The following RAD51B variants were observed in gnomAD, a reference collection of about 807,000 sequenced individuals.
The protein encoded by RAD51B is DNA repair protein RAD51 homolog 2.
Under a neutral mutation model 42.2 loss-of-function variants are expected in RAD51B, and 38 were observed. That is an observed-to-expected ratio of 0.90 (90% confidence interval 0.70 to 1.18). The LOEUF is 1.18. RAD51B is among the 50% of genes most tolerant of loss of function. The pLI is 0.00. For missense variants in RAD51B, 373 were observed against 400.7 expected (o/e 0.93, Z 0.59); for synonymous variants, 154 against 145.2 (o/e 1.06, Z -0.43).
At chr14:67,949,105 A>G (rs2074393952) in intron 7 of RAD51B, among the ~76,000 whole-genome samples, 1 of 152,002 alleles carries the variant, frequency 6.6e-6, no homozygotes, top group African/African-American at 2.4e-5. Flanking sequence ...TGGTTGCTAA[A>G]AGTTGGGGTG....
chr14:67,950,744 A>G (rs934075772), intron 7 of RAD51B, among the ~76,000 whole-genome samples: 39 of 152,208 alleles, frequency 2.6e-4, no homozygotes, highest in African/African-American at 8.7e-4. Context: ...ATTTAAAGTG[A>G]GAGATGTGTG....
chr14:68,574,989 G>A (rs1034671542), intron 10 of RAD51B, among the ~76,000 whole-genome samples: 3 of 152,284 alleles, frequency 2.0e-5, no homozygotes, highest in East Asian at 1.9e-4. Flanking sequence ...AGGAAAGCAC[G>A]CCATTGACTG....
intron 7 of RAD51B, among the ~76,000 whole-genome samples, chr14:68,274,017 T>C (rs528726746): frequency 6.6e-6 from 1 of 152,276 alleles, no homozygotes; most frequent in Admixed American, 6.5e-5. Flanking sequence ...TTGCCCCAAT[T>C]TCCCCACTCT....
chr14:68,641,781 C>CAA (rs1475109039), intron 10 of RAD51B, among the ~76,000 whole-genome samples: 1 of 151,372 alleles, frequency 6.6e-6, no homozygotes, highest in Non-Finnish European at 1.5e-5. Flanking sequence ...AGCTTGTCTC[C>CAA]AACTCCTGGG....
chr14:67,820,054 G>A (rs936463466), intron 1 of RAD51B, among the ~76,000 whole-genome samples: 1 of 152,170 alleles, frequency 6.6e-6, no homozygotes, highest in African/African-American at 2.4e-5. Context: ...TTCTTTTGGT[G>A]GGGAATGCTT....
chr14:67,898,166 G>A (rs763504242), intron 7 of RAD51B, among the ~76,000 whole-genome samples: 3 of 152,114 alleles, frequency 2.0e-5, no homozygotes, highest in Non-Finnish European at 2.9e-5. Context: ...AGTCATGGAA[G>A]CAATCTAAAT....
At position 68,286,054 on chromosome 14, in the gene RAD51B, G is replaced by A. The variant is rs182590835; in HGVS notation, c.757-5830G>A. Among the ~76,000 whole-genome samples, 7 of 152,238 alleles carry A rather than the reference G, an allele frequency of 4.6e-5. No homozygotes were observed. The East Asian group carries it at 1.4e-3, about 29-fold the overall frequency. ...CTTGACCATCTTTCAGTGTATTTCT[G>A]GATATTAGATTTATTTGTTTATTAC... On this transcript the variant is annotated intron_variant, in intron 7 of 10. Transcript: ENST00000471583.
At chr14:67,911,780 A>C (rs1458296356) in intron 7 of RAD51B, among the ~76,000 whole-genome samples, 2 of 152,158 alleles carry the variant, frequency 1.3e-5, no homozygotes, top group African/African-American at 4.8e-5. Context: ...TGAGAGTTGC[A>C]TTTTACCTCC....
At chr14:68,334,644 T>TA (rs1490997533) in intron 8 of RAD51B, among the ~76,000 whole-genome samples, 2 of 152,114 alleles carry the variant, frequency 1.3e-5, no homozygotes, top group African/African-American at 4.8e-5. Context: ...ACATTTTTTT[T>TA]ATCCATTCAT....
chr14:68,448,893 G>GA (rs199509139), intron 9 of RAD51B, among the ~76,000 whole-genome samples: 24 of 150,430 alleles, frequency 1.6e-4, no homozygotes, highest in African/African-American at 4.9e-4. Flanking sequence ...TGCTAGTTGT[G>GA]AAAAAAAAAT....
At chr14:68,205,398 G>A (rs544260388) in intron 7 of RAD51B, among the ~76,000 whole-genome samples, 5 of 152,094 alleles carry the variant, frequency 3.3e-5, no homozygotes, top group Non-Finnish European at 7.4e-5. Context: ...CAAAGGAAGG[G>A]ATAGATATGA....
At chr14:68,675,727 A>G (rs1893288792) in intron 11 of RAD51B, among the ~76,000 whole-genome samples, 2 of 152,260 alleles carry the variant, frequency 1.3e-5, no homozygotes, top group Admixed American at 1.3e-4. Context: ...ACAATTCCAC[A>G]GACACTGTGC....
chr14:68,586,626 G>A (rs1278778838), intron 10 of RAD51B, among the ~76,000 whole-genome samples: 2 of 152,280 alleles, frequency 1.3e-5, no homozygotes, highest in East Asian at 3.9e-4. Context: ...TAGGGAATGT[G>A]CACAGAACAC....
chr14:68,630,783 C>G (rs924263597), intron 10 of RAD51B, among the ~76,000 whole-genome samples: 4 of 152,148 alleles, frequency 2.6e-5, no homozygotes, highest in African/African-American at 9.7e-5. Flanking sequence ...TTGAACCAAC[C>G]CCTGGTTTCA....
At chr14:67,861,237 C>A (rs2042152942) in intron 4 of RAD51B, among the ~76,000 whole-genome samples, 1 of 151,730 alleles carries the variant, frequency 6.6e-6, no homozygotes, top group South Asian at 2.1e-4. Flanking sequence ...TGTATAGAAT[C>A]CCTAGTGTAC....
intron 7 of RAD51B, among the ~76,000 whole-genome samples, chr14:68,065,618 G>T (rs542082893): frequency 7.9e-5 from 12 of 152,094 alleles, no homozygotes; most frequent in Non-Finnish European, 1.5e-4. Context: ...CTAGCTGGCT[G>T]GTGGTTCTGC....
At chr14:68,539,412 G>A (rs1056289961) in intron 10 of RAD51B, among the ~76,000 whole-genome samples, 5 of 151,910 alleles carry the variant, frequency 3.3e-5, no homozygotes, top group Admixed American at 6.6e-5. Flanking sequence ...CCAGCACTCC[G>A]CCCCCTCCTC....
chr14:67,906,998 A>G (rs887756866), intron 7 of RAD51B, among the ~76,000 whole-genome samples: 5 of 151,942 alleles, frequency 3.3e-5, no homozygotes, highest in African/African-American at 1.2e-4. Flanking sequence ...TAGTAAAGAC[A>G]GGGTTTCTCC....
chr14:68,588,461 G>A (rs1314816292), intron 10 of RAD51B, among the ~76,000 whole-genome samples: 1 of 152,168 alleles, frequency 6.6e-6, no homozygotes, highest in African/African-American at 2.4e-5. Context: ...GCCAACAGTG[G>A]TAAGCTTTTC....
Sources: gnomAD v4.1 joint callset for allele counts (sites outside exome capture counted in the v4.1 genomes callset) on GRCh38, gnomAD v4.1.1 for gene constraint, MANE v1.5 for transcripts, NCBI Gene and HGNC (gene_info 2026-07-23, HGNC 2026-07-21) for gene names.